Variants in SPAG16 observed in about 807,000 individuals in gnomAD.
The protein encoded by SPAG16 is sperm associated antigen 16, also known as sperm-associated antigen 16 protein.
A neutral mutation model predicts 80.4 loss-of-function variants in SPAG16; 86 were observed. The observed-to-expected ratio is 1.07, with a 90% CI of 0.90 to 1.28. The LOEUF is 1.28. Ranked by LOEUF, SPAG16 falls within the 50% of genes most tolerant of loss-of-function variation. The probability of loss-of-function intolerance (pLI) is 0.00; values close to 1 mark genes in which losing one functional copy is unlikely to be tolerated. For synonymous variants in SPAG16, 294 were observed against 265.9 expected, an observed-to-expected ratio of 1.11 and a Z score of -1.03; for missense variants, 870 against 765.3, an observed-to-expected ratio of 1.14 and a Z score of -1.61.
At chr2:213,438,305 A>C (rs2070751345) in intron 9 of SPAG16, among the ~76,000 whole-genome samples, 1 of 152,224 alleles carries the variant, frequency 6.6e-6, no homozygotes. Context: ...AATTTTTGAA[A>C]TAGACAACAA....
intron 10 of SPAG16, among the ~76,000 whole-genome samples, chr2:213,579,560 G>A (rs537333717): frequency 5.9e-5 from 9 of 152,178 alleles, no homozygotes; most frequent in East Asian, 5.8e-4. Context: ...AAAATAGGTT[G>A]TAGATAGGAT....
At chr2:213,863,694 A>G (rs2075574157) in intron 11 of SPAG16, among the ~76,000 whole-genome samples, 1 of 152,056 alleles carries the variant, frequency 6.6e-6, no homozygotes, top group South Asian at 2.1e-4. Flanking sequence ...ATACAATTAG[A>G]AGAATAGCCA....
intron 9 of SPAG16, among the ~76,000 whole-genome samples, chr2:213,381,002 A>G (rs575640188): frequency 6.4e-4 from 97 of 152,312 alleles, no homozygotes; most frequent in Middle Eastern, 6.8e-3. Context: ...GATTTTACTA[A>G]TTGACTAATA....
chr2:213,393,628 T>A (rs1436144177), intron 9 of SPAG16, among the ~76,000 whole-genome samples: 1 of 152,084 alleles, frequency 6.6e-6, no homozygotes, highest in Non-Finnish European at 1.5e-5. Context: ...GTGGAAGATT[T>A]TCTGTAGGAC....
chr2:213,455,851 G>A (rs2071976198), intron 9 of SPAG16, among the ~76,000 whole-genome samples: 1 of 152,206 alleles, frequency 6.6e-6, no homozygotes, highest in Non-Finnish European at 1.5e-5. Context: ...CCTGCTCCAG[G>A]TGGACCATGA....
intron 15 of SPAG16, among the ~76,000 whole-genome samples, chr2:214,180,873 C>T (rs2057289670): frequency 6.6e-6 from 1 of 151,608 alleles, no homozygotes; most frequent in Admixed American, 6.6e-5. Context: ...GACCTTTAAT[C>T]TTTACCTAGT....
chr2:213,382,319 G>T lies in SPAG16; in HGVS notation c.942+7200G>T, dbSNP rs2067212607. ...AGCAATTCAGTTTACTTAGTTGCTT[G>T]GTGTTATAAGTCCTCAGTATCTGTC... is the stretch of plus-strand genomic sequence containing the variant. On this transcript the variant is annotated intron_variant, in intron 9 of 15. Transcript: ENST00000331683. Among the ~76,000 whole-genome samples the T allele has an allele frequency of 3.9e-5, 6 of 152,324 alleles. No individual in the cohort carries two copies. In the South Asian group the frequency reaches 1.2e-3, roughly 32 times the overall value.
At position 213,554,319 on chromosome 2, in the gene SPAG16, T is replaced by A. The variant is rs2059356320; in HGVS notation, c.1070+64229T>A. Among the ~76,000 whole-genome samples, 3 of 152,318 alleles carry A rather than the reference T, an allele frequency of 2.0e-5. No homozygotes were observed. In the South Asian group the frequency reaches 6.2e-4, roughly 32 times the overall value. ...ACTACATTTCTGGCATTCTCACTGG[T>A]ACCAGAAAAGCTGCACTTTATCCAG... On this transcript the variant is annotated intron_variant, in intron 10 of 15. Coordinates refer to ENST00000331683, the MANE Select transcript of SPAG16 (RefSeq NM_024532.5).
intron 15 of SPAG16, among the ~76,000 whole-genome samples, chr2:214,289,504 T>G (rs993923678): frequency 1.3e-5 from 2 of 152,296 alleles, no homozygotes; most frequent in Non-Finnish European, 2.9e-5. Context: ...TTTACCAGCA[T>G]GTTCTTAATG....
chr2:213,510,667 C>A (rs899464553), intron 10 of SPAG16, among the ~76,000 whole-genome samples: 1 of 152,090 alleles, frequency 6.6e-6, no homozygotes, highest in African/African-American at 2.4e-5. Flanking sequence ...ACTGTGCAAC[C>A]TTTGTATTGA....
chr2:214,154,210 C>A (rs895968267), intron 15 of SPAG16, among the ~76,000 whole-genome samples: 3 of 152,130 alleles, frequency 2.0e-5, no homozygotes, highest in African/African-American at 4.8e-5. Flanking sequence ...TATATACATA[C>A]TTTTCCACGT....
rs116075104 is a variant in SPAG16 at position 214,158,617 on chromosome 2, C to T, written c.1720+9351C>T. Among the ~76,000 whole-genome samples, 1,175 of 152,038 alleles carry T rather than the reference C, an allele frequency of 7.7e-3. 20 individuals are homozygous for T. The highest frequency in any genetic ancestry group is 0.026 in the African/African-American group (1,087 of 41,518). On this transcript the variant is annotated intron_variant, in intron 15 of 15. Coordinates refer to ENST00000331683, the MANE Select transcript of SPAG16 (RefSeq NM_024532.5). ...CGAAAAATAACTTTACAAATTGCAG[C>T]ATTATGCAGGTGCAGTCAAAGGAGT...
chr2:213,760,543 A>G (rs1261521500), intron 10 of SPAG16, among the ~76,000 whole-genome samples: 1 of 151,884 alleles, frequency 6.6e-6, no homozygotes, highest in Admixed American at 6.6e-5. Context: ...AGAAAATGCA[A>G]TACATTAAAA....
chr2:214,149,357 T>C, intron 15 of SPAG16, 91 bp downstream of exon 15: 1 of 1,234,040 alleles, frequency 8.1e-7, no homozygotes, highest in Non-Finnish European at 1.1e-6. Flanking sequence ...ATGTATGTAT[T>C]TCTACGTAAA....
intron 10 of SPAG16, among the ~76,000 whole-genome samples, chr2:213,811,573 C>T (rs184433892): frequency 1.3e-3 from 197 of 152,146 alleles, no homozygotes; most frequent in African/African-American, 4.3e-3. Context: ...TTCTTCTATA[C>T]CCCTGTACAT....
intron 10 of SPAG16, among the ~76,000 whole-genome samples, chr2:213,692,942 C>T (rs1363871493): frequency 6.6e-6 from 1 of 152,088 alleles, no homozygotes; most frequent in Non-Finnish European, 1.5e-5. Context: ...CACTGAAAAC[C>T]CTTTTAAAAC....
intron 15 of SPAG16, among the ~76,000 whole-genome samples, chr2:214,279,464 G>T (rs988916443): frequency 1.3e-5 from 2 of 152,148 alleles, no homozygotes; most frequent in African/African-American, 4.8e-5. Flanking sequence ...TGCTTTCAGA[G>T]AATTTCTGAG....
At chr2:213,701,652 C>G (rs2065428038) in intron 10 of SPAG16, among the ~76,000 whole-genome samples, 4 of 152,212 alleles carry the variant, frequency 2.6e-5, no homozygotes, top group Non-Finnish European at 4.4e-5. Context: ...ACCCGCAGCC[C>G]TGGCGCAGGA....
At chr2:213,595,218 A>G (rs2060847007) in intron 10 of SPAG16, among the ~76,000 whole-genome samples, 1 of 152,182 alleles carries the variant, frequency 6.6e-6, no homozygotes, top group Admixed American at 6.5e-5. Flanking sequence ...ACACATTCAA[A>G]AGAATTCACA....
Sources: gnomAD v4.1 joint callset for allele counts (sites outside exome capture counted in the v4.1 genomes callset) on GRCh38, gnomAD v4.1.1 for gene constraint, MANE v1.5 for transcripts, NCBI Gene and HGNC (gene_info 2026-07-23, HGNC 2026-07-21) for gene names.